DACH2: variants seen among roughly 807,000 people sequenced by gnomAD.
The protein encoded by DACH2 is dachshund family transcription factor 2, also known as dachshund homolog 2.
Under a neutral mutation model 35.8 loss-of-function variants are expected in DACH2, and 17 were observed. The observed-to-expected ratio is 0.48, with a 90% CI of 0.33 to 0.71. DACH2 has a LOEUF of 0.71. Among genes scored for constraint, DACH2 ranks in the 30% least tolerant of loss-of-function variants. The pLI, the probability that DACH2 is intolerant of heterozygous loss-of-function variation, is 0.02. For missense variants in DACH2, 469 were observed against 472.7 expected (o/e 0.99, Z 0.07); for synonymous variants, 195 against 177.3 (o/e 1.10, Z -0.79).
At chrX:86,540,328 A>G (rs888720402) in intron 3 of DACH2, among the ~76,000 whole-genome samples, 4 of 111,540 alleles carry the variant, frequency 3.6e-5, no homozygotes, top group African/African-American at 1.3e-4. Flanking sequence ...GTGAAATGAA[A>G]TACCAGGAAT....
At chrX:86,377,204 A>G (rs2035980914) in intron 2 of DACH2, among the ~76,000 whole-genome samples, 1 of 111,101 alleles carries the variant, frequency 9.0e-6, no homozygotes, top group Admixed American at 9.6e-5. Flanking sequence ...TCAGATGTCC[A>G]CCTGCCCCTT....
intron 4 of DACH2, among the ~76,000 whole-genome samples, chrX:86,689,899 A>T (rs768785215): frequency 8.9e-6 from 1 of 111,817 alleles, no homozygotes; most frequent in Admixed American, 9.6e-5. Flanking sequence ...TTCCTCTAAA[A>T]TAATAAAAGT....
intron 1 of DACH2, among the ~76,000 whole-genome samples, chrX:86,327,421 A>G (rs2035135910): frequency 8.9e-6 from 1 of 111,874 alleles, no homozygotes; most frequent in Non-Finnish European, 1.9e-5. Flanking sequence ...TTAGAGAAAA[A>G]GAAATGTTAG....
At chrX:86,579,397 T>G (rs1166236881) in intron 3 of DACH2, among the ~76,000 whole-genome samples, 4 of 111,407 alleles carry the variant, frequency 3.6e-5, no homozygotes, top group Admixed American at 9.6e-5. Flanking sequence ...CCAGCTACCA[T>G]TTTTTAGTTT....
chrX:86,735,224 A>C (rs936156883), intron 6 of DACH2, among the ~76,000 whole-genome samples: 1 of 111,801 alleles, frequency 8.9e-6, no homozygotes, highest in Non-Finnish European at 1.9e-5. Context: ...TTAGTACTTC[A>C]TAAATTCTGT....
intron 4 of DACH2, among the ~76,000 whole-genome samples, chrX:86,680,537 C>G (rs2040868864): frequency 9.0e-6 from 1 of 111,314 alleles, no homozygotes; most frequent in African/African-American, 3.3e-5. Context: ...TGCTTAATCA[C>G]TTGAAAATTT....
At chrX:86,740,471 T>C (rs1468632105) in intron 7 of DACH2, among the ~76,000 whole-genome samples, 2 of 104,525 alleles carry the variant, frequency 1.9e-5, no homozygotes, top group Non-Finnish European at 3.9e-5. Flanking sequence ...TCATTTAGCA[T>C]TAGGTATATC....
At chrX:86,510,116 A>T (rs759931211) in intron 2 of DACH2, among the ~76,000 whole-genome samples, 1 of 112,121 alleles carries the variant, frequency 8.9e-6, no homozygotes, top group African/African-American at 3.2e-5. Flanking sequence ...TGCTCATATG[A>T]TTTATATTAA....
chrX:86,548,172 G>A (rs761518566), intron 3 of DACH2, among the ~76,000 whole-genome samples: 53 of 110,684 alleles, frequency 4.8e-4, no homozygotes, highest in Non-Finnish European at 9.2e-4. Context: ...ATGTGAATTA[G>A]CTCACGTGCT....
At chrX:86,444,665 TTC>T (rs1456810071) in intron 2 of DACH2, among the ~76,000 whole-genome samples, 1 of 111,598 alleles carries the variant, frequency 9.0e-6, no homozygotes, top group African/African-American at 3.2e-5. Context: ...TATTTGAGTT[TTC>T]TCTCTTTTTT....
intron 1 of DACH2, among the ~76,000 whole-genome samples, chrX:86,364,164 C>T (rs2035775627): frequency 9.0e-6 from 1 of 110,625 alleles, no homozygotes; most frequent in African/African-American, 3.3e-5. Context: ...TTTTGTTTGC[C>T]GCAATTGTTA....
chrX:86,555,624 G>T (rs1023508335), intron 3 of DACH2, among the ~76,000 whole-genome samples: 2 of 111,229 alleles, frequency 1.8e-5, no homozygotes, highest in Non-Finnish European at 1.9e-5. Context: ...ATATTAAATA[G>T]GTTGTAAAAT....
intron 3 of DACH2, among the ~76,000 whole-genome samples, chrX:86,520,977 G>A (rs748408530): frequency 4.5e-5 from 5 of 111,351 alleles, no homozygotes; most frequent in Admixed American, 9.6e-5. Flanking sequence ...GCTTGTTTTC[G>A]TGGTTGCTTT....
chrX:86,234,619 A>T (rs952201795), intron 1 of DACH2, among the ~76,000 whole-genome samples: 11 of 101,745 alleles, frequency 1.1e-4, no homozygotes, highest in Non-Finnish European at 2.0e-4. Flanking sequence ...TTTTAATTTA[A>T]TTTTTTTTTT....
At chrX:86,763,340 A>G (rs1318216028) in intron 7 of DACH2, among the ~76,000 whole-genome samples, 2 of 112,574 alleles carry the variant, frequency 1.8e-5, no homozygotes, top group Non-Finnish European at 3.8e-5. Context: ...CAAATATAAT[A>G]CTGACTGAAA....
At chrX:86,488,025 C>T (rs1402680264) in intron 2 of DACH2, among the ~76,000 whole-genome samples, 1 of 111,114 alleles carries the variant, frequency 9.0e-6, no homozygotes, top group Non-Finnish European at 1.9e-5. Context: ...AGGTATTATA[C>T]TTATTGTATC....
chrX:86,333,070 C>A (rs148722101), intron 1 of DACH2, among the ~76,000 whole-genome samples: 55 of 111,373 alleles, frequency 4.9e-4, no homozygotes, highest in African/African-American at 1.8e-3. Context: ...AGAGACAGTA[C>A]CTTGTGATTT....
chrX:86,550,885 G>A (rs770628807), intron 3 of DACH2, among the ~76,000 whole-genome samples: 5 of 111,715 alleles, frequency 4.5e-5, no homozygotes, highest in Non-Finnish European at 7.5e-5. Context: ...GTTGTCTTAC[G>A]TGGAGTATAT....
At chrX:86,778,213 A>G (rs1409415712) in intron 7 of DACH2, among the ~76,000 whole-genome samples, 3 of 111,489 alleles carry the variant, frequency 2.7e-5, no homozygotes, top group Non-Finnish European at 5.6e-5. Context: ...AGATCCCTCC[A>G]TACTGTTTTC....
Sources: gnomAD v4.1 joint callset for allele counts (sites outside exome capture counted in the v4.1 genomes callset) on GRCh38, gnomAD v4.1.1 for gene constraint, MANE v1.5 for transcripts, NCBI Gene and HGNC (gene_info 2026-07-23, HGNC 2026-07-21) for gene names.